Variants in ZNF595 observed in about 807,000 individuals in gnomAD.
ZNF595 encodes the protein zinc finger protein 595.
A neutral mutation model predicts 19.4 loss-of-function variants in ZNF595; 9 were observed. That is an observed-to-expected ratio of 0.46 (90% CI 0.28 to 0.81). The LOEUF (loss-of-function observed/expected upper bound fraction) is 0.81, where lower values mean the gene tolerates loss of function less well. Among genes scored for constraint, ZNF595 ranks in the 30% least tolerant of loss-of-function variants. The pLI is 0.11. For synonymous variants in ZNF595, 255 were observed against 255.9 expected (o/e 1.00, Z 0.03); for missense variants, 729 against 736.0 (o/e 0.99, Z 0.11).
chr4:85,377 T>C (rs1437574980), intron 3 of ZNF595, among the ~76,000 whole-genome samples: 1 of 152,206 alleles, frequency 6.6e-6, no homozygotes, highest in Non-Finnish European at 1.5e-5. Flanking sequence ...ATCAGTATTT[T>C]TCTTCTAAGT....
At chr4:64,482 A>G (rs1201326331) in intron 3 of ZNF595, among the ~76,000 whole-genome samples, 13 of 152,412 alleles carry the variant, frequency 8.5e-5, no homozygotes, top group Non-Finnish European at 1.3e-4. Context: ...GACCGAGCAT[A>G]GTGACTCACA....
chr4:82,079 T>A (rs187851183), intron 3 of ZNF595, among the ~76,000 whole-genome samples: 18 of 152,278 alleles, frequency 1.2e-4, no homozygotes, highest in Admixed American at 4.6e-4. Flanking sequence ...CCATACTAAA[T>A]TTTTTAAGTT....
In ZNF595 at chr4:86,004, A is replaced by G; in HGVS notation, c.500A>G (p.His167Arg). 6.2e-7 allele frequency: 1 copy of G among 1,608,382 alleles called. No homozygotes were observed. Among genetic ancestry groups the G allele is most frequent in the South Asian group, 1.1e-5 (1 of 90,670 alleles). The change falls in exon 4 of 4, where the codon CAT becomes CGT. Residue 167 changes from histidine (H) to arginine (R), a missense_variant. By Grantham distance (29) the His-to-Arg change is conservative (BLOSUM62 0). Transcript: ENST00000610261. ...AATTCAAACAAACATAAGATAAGAC[A>G]TACTGGAGAGAAACCCTTTAAATGT... ...FSNSNKHKIR[H>R]TGEKPFKCTE...
chr4:79,582 TTGTC>T (rs1160798365), intron 3 of ZNF595, among the ~76,000 whole-genome samples: 2 of 152,122 alleles, frequency 1.3e-5, no homozygotes, highest in African/African-American at 4.8e-5. Context: ...TTTGATCTCT[TTGTC>T]TGTTTTTATG....
intron 3 of ZNF595, among the ~76,000 whole-genome samples, chr4:71,779 A>G (rs976724101): frequency 2.0e-4 from 31 of 152,198 alleles, no homozygotes; most frequent in African/African-American, 7.2e-4. Flanking sequence ...TGGTCAGCCA[A>G]TGGAAAGCTG....
chr4:61,161 T>C (rs1266047778), intron 3 of ZNF595, among the ~76,000 whole-genome samples: 173 of 147,822 alleles, frequency 1.2e-3, no homozygotes, highest in African/African-American at 4.3e-3. Context: ...TTTTTTCTTT[T>C]TTTTTTTTTT....
intron 3 of ZNF595, among the ~76,000 whole-genome samples, chr4:75,802 GT>G (rs1278164902): frequency 6.8e-6 from 1 of 146,298 alleles, no homozygotes. Flanking sequence ...TTTTTGGGGG[GT>G]TTTTTGGTTG....
intron 3 of ZNF595, among the ~76,000 whole-genome samples, chr4:69,329 C>T (rs1193191413): frequency 1.3e-5 from 2 of 152,114 alleles, no homozygotes; most frequent in Non-Finnish European, 2.9e-5. Flanking sequence ...AGCTGTGCTC[C>T]ATAGTGGTTG....
intron 3 of ZNF595, among the ~76,000 whole-genome samples, chr4:82,543 C>G (rs962156183): frequency 2.0e-5 from 3 of 151,820 alleles, no homozygotes; most frequent in African/African-American, 7.3e-5. Context: ...CACCACCACA[C>G]CTGGCTAATT....
chr4:86,083 T>G lies in ZNF595; in HGVS notation c.579T>G (p.Ile193Met). ...YMSHLTQHTG[I>M]HAGEKPYKCE... ...CACACCTAACTCAACATACAGGAAT[T>G]CATGCTGGAGAGAAACCCTACAAAT... Residue 193 changes from isoleucine (I) to methionine (M), a missense_variant, in exon 4 of 4, where the codon ATT becomes ATG. This residue lies in a region of ZNF595 where 729 missense variants were observed against 675.3 expected (regional missense o/e 1.08). Coordinates refer to ENST00000610261, the MANE Select transcript of ZNF595 (RefSeq NM_182524.4). 6.2e-7 allele frequency: 1 copy of G among 1,613,408 alleles called. No individual in the cohort carries two copies. The highest frequency in any genetic ancestry group is 8.5e-7 in the Non-Finnish European group (1 of 1,179,674).
At chr4:83,619 CAAAAAAAAAAAAAA>C (rs71164492) in intron 3 of ZNF595, among the ~76,000 whole-genome samples, 8 of 38,596 alleles carry the variant, frequency 2.1e-4, no homozygotes, top group African/African-American at 2.8e-4. Flanking sequence ...GACTCCGTCT[CAAAAAAAAAAAAAA>C]AAAAAAAAAA....
rs1054039375 is a variant in ZNF595, at chr4:86,513, G to A, written c.1009G>A (p.Glu337Lys). The A allele has an allele frequency of 1.5e-5, 24 of 1,613,774 alleles. No individual in the cohort carries two copies. The highest frequency in any genetic ancestry group is 1.6e-4 in the Middle Eastern group (1 of 6,078). The change falls in exon 4 of 4, where the codon GAA (glutamate) becomes AAA (lysine). Residue 337 changes from glutamate to lysine, a missense_variant. This residue lies in a region of ZNF595 where 729 missense variants were observed against 675.3 expected (regional missense o/e 1.08). Coordinates refer to ENST00000610261, the MANE Select transcript of ZNF595 (RefSeq NM_182524.4). ...TGAACATAAAAATATTCATACTGGC[G>A]AAAAACCCTACACATGTGAAAAATG... ...LNEHKNIHTG[E>K]KPYTCEKCGK...
intron 3 of ZNF595, among the ~76,000 whole-genome samples, chr4:80,580 G>GA (rs1581384574): frequency 6.6e-6 from 1 of 152,100 alleles, no homozygotes; most frequent in African/African-American, 2.4e-5. Flanking sequence ...AGCGAAGGGA[G>GA]ATAGGGGTGG....
intron 3 of ZNF595, among the ~76,000 whole-genome samples, chr4:77,921 T>TG (rs1713740715): frequency 2.0e-5 from 3 of 152,148 alleles, no homozygotes; most frequent in Admixed American, 2.0e-4. Flanking sequence ...TACTGACCCT[T>TG]GAACACAGCT....
chr4:72,737 A>T (rs1182815407), intron 3 of ZNF595, among the ~76,000 whole-genome samples: 1 of 152,198 alleles, frequency 6.6e-6, no homozygotes, highest in Non-Finnish European at 1.5e-5. Flanking sequence ...TCCTGTGAAC[A>T]TAAGTGCTGA....
At chr4:74,659 A>G (rs537509771) in intron 3 of ZNF595, among the ~76,000 whole-genome samples, 4 of 152,340 alleles carry the variant, frequency 2.6e-5, no homozygotes, top group African/African-American at 9.6e-5. Flanking sequence ...CGGTCTGGAA[A>G]GGTGGGACAA....
chr4:78,896 T>C (rs1242554243), intron 3 of ZNF595, among the ~76,000 whole-genome samples: 2 of 152,160 alleles, frequency 1.3e-5, no homozygotes, highest in African/African-American at 4.8e-5. Flanking sequence ...TTTCTCCAAG[T>C]TGGTCAGGCT....
At chr4:75,281 C>T (rs12511220) in intron 3 of ZNF595, among the ~76,000 whole-genome samples, 26,237 of 152,124 alleles carry the variant, frequency 0.17, 2,516 homozygotes, top group Admixed American at 0.25. Context: ...GTTTGCTTAG[C>T]GCACAATCCT....
intron 2 of ZNF595, among the ~76,000 whole-genome samples, chr4:59,810 A>C (rs1172429735): frequency 7.6e-4 from 113 of 148,960 alleles, no homozygotes; most frequent in African/African-American, 2.8e-3. Context: ...TCAGTGATGT[A>C]AAATATTGTT....
Sources: gnomAD v4.1 joint callset for allele counts (sites outside exome capture counted in the v4.1 genomes callset) on GRCh38, gnomAD v4.1.1 for gene constraint, gnomAD v4.1.1 regional missense constraint, MANE v1.5 for transcripts, NCBI Gene and HGNC (gene_info 2026-07-23, HGNC 2026-07-21) for gene names.